KIF26B: variants seen among roughly 807,000 people sequenced by gnomAD.
KIF26B encodes kinesin family member 26B.
KIF26B carries 63 observed loss-of-function variants against 151.2 expected under a neutral mutation model. That is an observed-to-expected ratio of 0.42 (90% CI 0.34 to 0.51). The LOEUF (loss-of-function observed/expected upper bound fraction) is 0.51, where lower values mean the gene tolerates loss of function less well. Ranked by LOEUF, KIF26B falls within the 20% of genes least tolerant of loss-of-function variation. The probability of loss-of-function intolerance (pLI) is 0.07; values close to 1 mark genes in which losing one functional copy is unlikely to be tolerated. For missense variants in KIF26B, 2,813 were observed against 2,913.6 expected (o/e 0.97, Z 0.79); for synonymous variants, 1,357 against 1,262.1 (o/e 1.08, Z -1.59).
At chr1:245,289,388 G>C (rs571804626) in intron 2 of KIF26B, among the ~76,000 whole-genome samples, 1 of 152,184 alleles carries the variant, frequency 6.6e-6, no homozygotes, top group Admixed American at 6.5e-5. Flanking sequence ...GACTCGGCAA[G>C]TGTATGGACT....
chr1:245,209,691 T>C (rs1315519336), intron 2 of KIF26B, among the ~76,000 whole-genome samples: 1 of 152,144 alleles, frequency 6.6e-6, no homozygotes, highest in Non-Finnish European at 1.5e-5. Flanking sequence ...CCGAGAACAT[T>C]GTACACACAT....
intron 3 of KIF26B, among the ~76,000 whole-genome samples, chr1:245,378,498 CA>C (rs1430452784): frequency 6.6e-6 from 1 of 152,196 alleles, no homozygotes; most frequent in Non-Finnish European, 1.5e-5. Context: ...ATGCTTTTCA[CA>C]GTCGTCTTGT....
At chr1:245,246,712 C>T (rs1473760859) in intron 2 of KIF26B, among the ~76,000 whole-genome samples, 1 of 152,116 alleles carries the variant, frequency 6.6e-6, no homozygotes, top group Non-Finnish European at 1.5e-5. Context: ...TGTTAAATAT[C>T]GTGAATTTCA....
At chr1:245,327,042 C>T (rs1443069883) in intron 2 of KIF26B, among the ~76,000 whole-genome samples, 1 of 152,182 alleles carries the variant, frequency 6.6e-6, no homozygotes, top group Non-Finnish European at 1.5e-5. Flanking sequence ...CCAGGTTCAG[C>T]AATGTTGGAA....
Position 245,626,028 on chromosome 1 carries a change from C to T in KIF26B, c.2098+14052C>T, listed in dbSNP as rs544078128. The stretch of plus-strand genomic sequence containing the variant: ...AGTATTCCATTGTGTATATAGAGCA[C>T]ATTTTGCTACAAATGACAGGATTTG... On this transcript the variant is annotated intron_variant, in intron 9 of 14. Coordinates refer to ENST00000407071, the MANE Select transcript of KIF26B (RefSeq NM_018012.4). Among the ~76,000 whole-genome samples the T allele has an allele frequency of 3.9e-5, 6 of 152,308 alleles. No individual in the cohort carries two copies. The South Asian group carries it at 1.2e-3, about 32-fold the overall frequency.
chr1:245,565,584 C>CGAGCCTCT (rs1423978995), intron 5 of KIF26B, among the ~76,000 whole-genome samples: 1 of 152,166 alleles, frequency 6.6e-6, no homozygotes, highest in Non-Finnish European at 1.5e-5. Context: ...GCCACTGCGC[C>CGAGCCTCT]GAGCCTCTGA....
Position 245,619,844 on chromosome 1 carries a change from C to T in KIF26B, c.2098+7868C>T, listed in dbSNP as rs560866024. On this transcript the variant is annotated intron_variant, in intron 9 of 14. Coordinates refer to ENST00000407071, the MANE Select transcript of KIF26B (RefSeq NM_018012.4). ...AGGAGAATCACTTGAACCTGGGAGG[C>T]GGAGCTTGCAGTGAGCTGAGATCAC... is the stretch of plus-strand genomic sequence containing the variant. Among the ~76,000 whole-genome samples, 10 of 149,686 alleles carry T rather than the reference C, an allele frequency of 6.7e-5. No homozygotes were observed. In the East Asian group the frequency reaches 1.6e-3, roughly 24 times the overall value.
At chr1:245,431,334 A>C (rs1482603423) in intron 4 of KIF26B, among the ~76,000 whole-genome samples, 5 of 147,244 alleles carry the variant, frequency 3.4e-5, no homozygotes, top group African/African-American at 1.3e-4. Context: ...GCCCGCCACC[A>C]TGCCCAGCTA....
intron 4 of KIF26B, among the ~76,000 whole-genome samples, chr1:245,480,664 A>C (rs1660145821): frequency 6.6e-6 from 1 of 150,854 alleles, no homozygotes. Context: ...TTAGAAACAC[A>C]CTCTGCTGTC....
intron 4 of KIF26B, among the ~76,000 whole-genome samples, chr1:245,476,021 T>C (rs941232313): frequency 1.3e-5 from 2 of 151,868 alleles, no homozygotes; most frequent in Non-Finnish European, 2.9e-5. Context: ...GGTCTATCCC[T>C]GATGCATGAA....
At chr1:245,257,385 C>T (rs76908665) in intron 2 of KIF26B, among the ~76,000 whole-genome samples, 20 of 152,306 alleles carry the variant, frequency 1.3e-4, no homozygotes, top group Non-Finnish European at 2.2e-4. Flanking sequence ...CAGAATAAGT[C>T]TCTTCAAACA....
chr1:245,443,946 G>A (rs1458576793), intron 4 of KIF26B, among the ~76,000 whole-genome samples: 3 of 141,136 alleles, frequency 2.1e-5, no homozygotes, highest in Non-Finnish European at 4.6e-5. Context: ...TTCACCTAGA[G>A]CGGTCATCTC....
At chr1:245,490,834 G>A (rs1232965272) in intron 4 of KIF26B, among the ~76,000 whole-genome samples, 4 of 152,170 alleles carry the variant, frequency 2.6e-5, no homozygotes, top group Admixed American at 6.5e-5. Context: ...GTTCTCTGTT[G>A]CATTTATTGC....
intron 10 of KIF26B, among the ~76,000 whole-genome samples, chr1:245,674,921 G>T (rs111568921): frequency 3.9e-4 from 60 of 152,298 alleles, no homozygotes; most frequent in African/African-American, 1.3e-3. Context: ...CAACTACAAA[G>T]TTAGCAGAAA....
rs2043073032 is a variant in KIF26B at position 245,572,277 on chromosome 1, C to T, written c.1351-30300C>T. On this transcript the variant is annotated intron_variant, in intron 5 of 14. Coordinates refer to ENST00000407071, the MANE Select transcript of KIF26B (RefSeq NM_018012.4). The surrounding 1 kb of genome is among the most constrained non-coding windows in gnomAD (Gnocchi z 4.2). ...TTTCATGCCTGGTCAGGGTTGTGAT[C>T]CCTTTTGGAGACAGAAGGAGGTAGA... 6.6e-6 allele frequency among the ~76,000 whole-genome samples: 1 copy of T among 152,146 alleles called. No individual in the cohort carries two copies. The highest frequency in any genetic ancestry group is 6.5e-5 in the Admixed American group (1 of 15,276).
At chr1:245,525,440 A>C (rs1661218065) in intron 4 of KIF26B, among the ~76,000 whole-genome samples, 1 of 152,224 alleles carries the variant, frequency 6.6e-6, no homozygotes, top group South Asian at 2.1e-4. Flanking sequence ...TTATTTAAAG[A>C]TAAAGTGTTT....
intron 10 of KIF26B, among the ~76,000 whole-genome samples, chr1:245,656,650 G>C (rs1000487577): frequency 6.6e-6 from 1 of 152,220 alleles, no homozygotes; most frequent in African/African-American, 2.4e-5. Context: ...GGCACAATTA[G>C]GCATTGGACA....
At chr1:245,532,480 C>T (rs1316024360) in intron 4 of KIF26B, among the ~76,000 whole-genome samples, 4 of 151,950 alleles carry the variant, frequency 2.6e-5, no homozygotes, top group Non-Finnish European at 5.9e-5. Context: ...CTCCCGACCT[C>T]GTGATCCGCC....
Position 245,688,480 on chromosome 1 carries a change from G to A in KIF26B, c.5497G>A (p.Gly1833Arg). ...GGCCGGGCCCGAGGCGGAGGCGCGC[G>A]GGGGGGCCCTGGCCGAGGACGAGCC... ...LRAGPEAEARGGALAEDEPAA... is the reference protein window; with the variant it reads ...LRAGPEAEARRGALAEDEPAA... Residue 1833 changes from glycine (G) to arginine (R), a missense_variant, in exon 12 of 15, where the codon GGG becomes AGG. Around this residue, in one of 3 missense-constraint regions of KIF26B, gnomAD observed 2,060 missense variants for 2,088.6 expected, o/e 0.99. Transcript: ENST00000407071. 1 of 1,384,270 alleles carries A rather than the reference G, an allele frequency of 7.2e-7. No homozygotes were observed. The highest frequency in any genetic ancestry group is 9.3e-7 in the Non-Finnish European group (1 of 1,079,886). The allele number at this position is 1,384,270 out of a possible 1,614,324, so 85.7% of individuals were successfully genotyped here.
Sources: allele counts gnomAD v4.1 joint callset (sites outside exome capture counted in the v4.1 genomes callset), GRCh38; gene constraint gnomAD v4.1.1; regional missense constraint gnomAD v4.1.1; non-coding constraint Gnocchi (gnomAD v3.1); transcripts MANE v1.5; gene names NCBI Gene and HGNC (gene_info 2026-07-23, HGNC 2026-07-21).